Variants in USH2A observed in about 807,000 individuals in gnomAD.
The protein encoded by USH2A is usherin, also known as Usher syndrome 2A (autosomal recessive, mild).
In USH2A, 443 loss-of-function variants were observed where a neutral mutation model predicts 538.9. That is an observed-to-expected ratio of 0.82 (90% confidence interval 0.76 to 0.89). The LOEUF (loss-of-function observed/expected upper bound fraction) is 0.89. Ranked by LOEUF, USH2A falls within the 40% of genes least tolerant of loss-of-function variation. The probability of loss-of-function intolerance (pLI) is 0.00; values close to 1 mark genes in which losing one functional copy is unlikely to be tolerated. For synonymous variants in USH2A, 2,413 were observed against 2,273.5 expected (o/e 1.06, Z -1.75); for missense variants, 6,633 against 6,324.8 (o/e 1.05, Z -1.65).
chr1:216,217,475 A>G lies in USH2A; in HGVS notation c.3069T>C (p.Cys1023=). 2 of 1,613,350 alleles carry G rather than the reference A, an allele frequency of 1.2e-6. No homozygotes were observed. The highest frequency in any genetic ancestry group is 1.7e-6 in the Non-Finnish European group (2 of 1,179,520). The change falls in exon 15 of 72, where the codon TGT becomes TGC. Residue 1023 remains cysteine (C), a synonymous_variant. Transcript: ENST00000307340. ...ACTTTGAGCCAGTGACAAATTGTTT[A>G]CAGAAACACTGGCCTGTGACCAAGT... ...TCHLVTGQCF[C]KQFVTGSKCD...
At chr1:216,325,908 T>G (rs1223794919) in intron 5 of USH2A, among the ~76,000 whole-genome samples, 1 of 152,244 alleles carries the variant, frequency 6.6e-6, no homozygotes, top group African/African-American at 2.4e-5. Flanking sequence ...CCGTGTCTAT[T>G]TGTGATAATA....
intron 61 of USH2A, among the ~76,000 whole-genome samples, chr1:215,696,335 G>C (rs1302076062): frequency 6.6e-6 from 1 of 152,166 alleles, no homozygotes; most frequent in African/African-American, 2.4e-5. Flanking sequence ...AGAGGCAGAA[G>C]AAAAGCTATG....
At chr1:216,277,696 C>T (rs1328775138) in intron 11 of USH2A, among the ~76,000 whole-genome samples, 4 of 152,144 alleles carry the variant, frequency 2.6e-5, no homozygotes, top group Non-Finnish European at 5.9e-5. Flanking sequence ...CTAGAGACTA[C>T]ATGTCTTCAG....
intron 49 of USH2A, 29 bp from the exon 50 acceptor site, chr1:215,799,154 A>G (rs771595250): frequency 8.8e-6 from 14 of 1,593,364 alleles, no homozygotes; most frequent in Non-Finnish European, 1.2e-5. Context: ...AATAATCATT[A>G]CATCAGTTAA....
intron 3 of USH2A, among the ~76,000 whole-genome samples, chr1:216,369,404 C>A (rs1002030356): frequency 6.6e-6 from 1 of 152,140 alleles, no homozygotes; most frequent in South Asian, 2.1e-4. Context: ...TTATTTCTAA[C>A]CTTCACCAAC....
intron 35 of USH2A, among the ~76,000 whole-genome samples, chr1:215,975,264 C>A (rs1466297608): frequency 6.6e-6 from 1 of 152,026 alleles, no homozygotes; most frequent in Non-Finnish European, 1.5e-5. Flanking sequence ...TATTTTCTCC[C>A]ACTCTGTAAT....
At chr1:215,831,354 C>G (rs1471293759) in intron 47 of USH2A, among the ~76,000 whole-genome samples, 1 of 152,228 alleles carries the variant, frequency 6.6e-6, no homozygotes, top group Admixed American at 6.5e-5. Context: ...ACCATTATCA[C>G]TCAACTTGAT....
At chr1:215,923,764 C>T (rs752320108) in intron 38 of USH2A, among the ~76,000 whole-genome samples, 4 of 152,042 alleles carry the variant, frequency 2.6e-5, no homozygotes, top group Non-Finnish European at 5.9e-5. Context: ...GTAATCATTA[C>T]TAATATCCTA....
chr1:215,714,466 C>G (rs1259385089), intron 61 of USH2A, among the ~76,000 whole-genome samples: 2 of 152,206 alleles, frequency 1.3e-5, no homozygotes, highest in South Asian at 4.2e-4. Context: ...GCCATTTGTG[C>G]CATGAGGAAA....
chr1:216,000,374 C>A, intron 33 of USH2A, 29 bp downstream of exon 33: 1 of 1,612,986 alleles, frequency 6.2e-7, no homozygotes, highest in Non-Finnish European at 8.5e-7. Context: ...CATGAACCAG[C>A]ATGTGAGAGA....
chr1:216,380,548 T>G (rs1244980457), intron 3 of USH2A, among the ~76,000 whole-genome samples: 1 of 152,140 alleles, frequency 6.6e-6, no homozygotes, highest in Non-Finnish European at 1.5e-5. Flanking sequence ...GTAATAGAGC[T>G]CAGGGAAGGC....
chr1:215,647,623 C>A lies in USH2A; in HGVS notation c.14690G>T (p.Gly4897Val). The change falls in exon 67 of 72, where the codon GGG (glycine) becomes GTG (valine). Residue 4897 changes from glycine (G) to valine (V), a missense_variant. Transcript: ENST00000307340. Reference protein sequence around the residue: ...YTGLGQKASLGGLQPYTTYKL... With the variant: ...YTGLGQKASLVGLQPYTTYKL... ...GTATGTGGTGTAGGGCTGGAGACCC[C>A]CAAGGCTGGCTTTCTGCCCCAGCCC... 6.2e-7 allele frequency: 1 copy of A among 1,614,148 alleles called. No homozygotes were observed. The highest frequency in any genetic ancestry group is 8.5e-7 in the Non-Finnish European group (1 of 1,180,046).
intron 30 of USH2A, among the ~76,000 whole-genome samples, chr1:216,063,849 C>A (rs1397063284): frequency 6.6e-6 from 1 of 152,142 alleles, no homozygotes; most frequent in Non-Finnish European, 1.5e-5. Flanking sequence ...GAATTAAGAT[C>A]CTATGGCATA....
chr1:215,735,357 T>C (rs1660127543), intron 60 of USH2A, among the ~76,000 whole-genome samples: 1 of 152,340 alleles, frequency 6.6e-6, no homozygotes, highest in Non-Finnish European at 1.5e-5. Context: ...TTAACAAATT[T>C]ATAACTACTT....
chr1:215,909,573 C>A (rs1163596611), intron 38 of USH2A, among the ~76,000 whole-genome samples: 1 of 151,810 alleles, frequency 6.6e-6, no homozygotes, highest in Non-Finnish European at 1.5e-5. Flanking sequence ...TGCTGTGAAC[C>A]TAAAGCTGCT....
chr1:215,982,460 A>G (rs1459319217), intron 35 of USH2A, among the ~76,000 whole-genome samples: 1 of 152,130 alleles, frequency 6.6e-6, no homozygotes, highest in African/African-American at 2.4e-5. Context: ...TCTCTCAAAA[A>G]CAAGCTTAGG....
chr1:216,011,280 C>T (rs966934643), intron 32 of USH2A, among the ~76,000 whole-genome samples: 5 of 152,052 alleles, frequency 3.3e-5, no homozygotes, highest in Admixed American at 6.6e-5. Context: ...CCTTTGCACC[C>T]GTCATCCCAG....
rs745567070 is a variant in USH2A, at chr1:215,634,506, T to C, written c.15250A>G (p.Lys5084Glu). The C allele has an allele frequency of 6.2e-6, 10 of 1,614,110 alleles. No individual in the cohort carries two copies. Among genetic ancestry groups the C allele is most frequent in the African/African-American group, 1.3e-5 (1 of 74,950 alleles). ...TAAACATTCAATGGAGACATCCTCT[T>C]CTGAAGAGGTACCAAGGGAGGTCTT... The part of the protein sequence containing the change: ...RERPPLVPLQ[K>E]RMSPLNVYPP... The change falls in exon 70 of 72, where the codon AAG becomes GAG. Residue 5084 changes from lysine to glutamate, a missense_variant. By Grantham distance (56) the Lys-to-Glu change is moderately conservative (BLOSUM62 1). Coordinates refer to ENST00000307340, the MANE Select transcript of USH2A (RefSeq NM_206933.4).
intron 21 of USH2A, among the ~76,000 whole-genome samples, chr1:216,120,110 G>A (rs141011126): frequency 6.6e-6 from 1 of 150,740 alleles, no homozygotes; most frequent in Admixed American, 6.6e-5. Flanking sequence ...ACCTTAAAAT[G>A]CAAGTTTTGT....
Sources: gnomAD v4.1 joint callset for allele counts (sites outside exome capture counted in the v4.1 genomes callset) on GRCh38, gnomAD v4.1.1 for gene constraint, MANE v1.5 for transcripts, NCBI Gene and HGNC (gene_info 2026-07-23, HGNC 2026-07-21) for gene names.